The following KCNH5 variants were observed in gnomAD, a reference collection of about 807,000 sequenced individuals.
The protein encoded by KCNH5 is voltage-gated delayed rectifier potassium channel KCNH5.
A neutral mutation model predicts 96.1 loss-of-function variants in KCNH5; 46 were observed. The ratio of observed to expected loss-of-function variants is 0.48; its 90% CI spans 0.38 to 0.61. The LOEUF (loss-of-function observed/expected upper bound fraction) is 0.61. KCNH5 is among the 20% of genes least tolerant of loss of function. The pLI, the probability that KCNH5 is intolerant of heterozygous loss-of-function variation, is 0.00. For missense variants in KCNH5, 907 were observed against 1,225.8 expected, an observed-to-expected ratio of 0.74 and a Z score of 3.88; for synonymous variants, 439 against 449.8, an observed-to-expected ratio of 0.98 and a Z score of 0.30.
At chr14:62,718,992 GT>G (rs767269667) in intron 10 of KCNH5, among the ~76,000 whole-genome samples, 1 of 152,196 alleles carries the variant, frequency 6.6e-6, no homozygotes, top group Non-Finnish European at 1.5e-5. Flanking sequence ...TACATGCAAT[GT>G]CTTGAAATGG....
At chr14:62,858,429 T>C (rs1234525305) in intron 7 of KCNH5, among the ~76,000 whole-genome samples, 2 of 152,218 alleles carry the variant, frequency 1.3e-5, no homozygotes, top group African/African-American at 2.4e-5. Flanking sequence ...ATTCCATGCA[T>C]ACTGTTCCTT....
At chr14:62,728,147 GA>G (rs1884972706) in intron 10 of KCNH5, among the ~76,000 whole-genome samples, 3 of 151,552 alleles carry the variant, frequency 2.0e-5, no homozygotes, top group African/African-American at 7.3e-5. Flanking sequence ...TTAGGAGGCT[GA>G]GGCGGGCAGA....
At chr14:62,981,373 TG>T in intron 5 of KCNH5, 109 bp from the exon 6 acceptor site, 1 of 1,050,774 alleles carries the variant, frequency 9.5e-7, no homozygotes, top group Non-Finnish European at 1.4e-6. Context: ...TCCACAGTCT[TG>T]CCTCCCTCTT....
chr14:62,825,604 G>GA (rs1350735886), intron 8 of KCNH5, among the ~76,000 whole-genome samples: 1 of 151,924 alleles, frequency 6.6e-6, no homozygotes, highest in Non-Finnish European at 1.5e-5. Flanking sequence ...AGGACCAAGA[G>GA]AAAAAATAGG....
At position 62,702,162 on chromosome 14, in the gene KCNH5, A is replaced by T. The variant is rs928049258; in HGVS notation, c.*5346T>A. On this transcript the variant is annotated 3_prime_UTR_variant, in exon 11 of 11. Coordinates refer to ENST00000322893, the MANE Select transcript of KCNH5 (RefSeq NM_139318.5). ...ATGTTGATACCAGTGACCATATATCAAACATACCACATTTGACAGTTTACT... is the reference window on the plus strand; with the variant it reads ...ATGTTGATACCAGTGACCATATATCTAACATACCACATTTGACAGTTTACT... The T allele has an allele frequency of 1.9e-4, 29 of 152,064 alleles. No homozygotes were observed. Among genetic ancestry groups the T allele is most frequent in the African/African-American group, 6.8e-4 (28 of 41,440 alleles). 9.4% of individuals were successfully genotyped at this position (152,064 alleles called of 1,614,324 possible). A position where few individuals can be genotyped will look rare whatever the true frequency, so the allele number is the denominator to read the frequency against.
intron 9 of KCNH5, among the ~76,000 whole-genome samples, chr14:62,790,655 T>G (rs996025557): frequency 6.6e-6 from 1 of 151,622 alleles, no homozygotes; most frequent in African/African-American, 2.4e-5. Context: ...GCCAATTTCT[T>G]TCATCAGTGC....
At chr14:62,816,684 T>G (rs1276533980) in intron 8 of KCNH5, among the ~76,000 whole-genome samples, 1 of 152,038 alleles carries the variant, frequency 6.6e-6, no homozygotes, top group African/African-American at 2.4e-5. Flanking sequence ...CAGTAATGCA[T>G]GCATAAATAA....
At chr14:62,782,216 T>A (rs1378932190) in intron 9 of KCNH5, among the ~76,000 whole-genome samples, 2 of 151,938 alleles carry the variant, frequency 1.3e-5, no homozygotes, top group African/African-American at 4.8e-5. Flanking sequence ...GTTGAGTGAG[T>A]GAGATTACAC....
At chr14:63,025,081 T>C (rs1353086504) in intron 1 of KCNH5, among the ~76,000 whole-genome samples, 1 of 152,156 alleles carries the variant, frequency 6.6e-6, no homozygotes, top group East Asian at 1.9e-4. Context: ...TTGTTCAATA[T>C]ATGCAAATCA....
At chr14:62,943,305 G>A (rs952194589) in intron 7 of KCNH5, among the ~76,000 whole-genome samples, 3 of 152,096 alleles carry the variant, frequency 2.0e-5, no homozygotes, top group African/African-American at 7.2e-5. Context: ...AAAAACATAT[G>A]AAGACAAGAG....
At chr14:62,852,408 T>C (rs1887824824) in intron 7 of KCNH5, among the ~76,000 whole-genome samples, 1 of 152,370 alleles carries the variant, frequency 6.6e-6, no homozygotes, top group Admixed American at 6.5e-5. Context: ...GATTCAATTG[T>C]ATGTTTACAT....
chr14:62,970,044 T>TAATAA (rs1890375755), intron 6 of KCNH5, among the ~76,000 whole-genome samples: 1 of 30,406 alleles, frequency 3.3e-5, no homozygotes, highest in Non-Finnish European at 6.5e-5. Flanking sequence ...AGACTCCGTC[T>TAATAA]AAAAAAAAAA....
chr14:62,925,849 A>C (rs948944737), intron 7 of KCNH5, among the ~76,000 whole-genome samples: 13 of 152,084 alleles, frequency 8.5e-5, no homozygotes, highest in African/African-American at 3.1e-4. Context: ...TCTGACATAA[A>C]ATTAAAGAAG....
At chr14:62,926,589 G>A (rs1233655799) in intron 7 of KCNH5, among the ~76,000 whole-genome samples, 6 of 152,070 alleles carry the variant, frequency 3.9e-5, no homozygotes, top group Non-Finnish European at 7.4e-5. Context: ...TCTGAGATCA[G>A]GGTGCCAGCA....
intron 8 of KCNH5, among the ~76,000 whole-genome samples, chr14:62,808,045 C>T (rs1221366662): frequency 1.3e-5 from 2 of 152,108 alleles, no homozygotes; most frequent in Non-Finnish European, 2.9e-5. Flanking sequence ...GGCTAGGCTC[C>T]ACACCTAGTA....
chr14:62,876,519 G>C (rs1048909212), intron 7 of KCNH5, among the ~76,000 whole-genome samples: 1 of 151,976 alleles, frequency 6.6e-6, no homozygotes, highest in African/African-American at 2.4e-5. Flanking sequence ...GACACAAAAA[G>C]AACAAACAAA....
chr14:62,733,891 A>G (rs1459343816), intron 10 of KCNH5, among the ~76,000 whole-genome samples: 2 of 152,074 alleles, frequency 1.3e-5, no homozygotes, highest in Admixed American at 1.3e-4. Flanking sequence ...CTCTTTTAAC[A>G]TTACGTTCTT....
At chr14:62,789,396 T>A (rs1748980700) in intron 9 of KCNH5, among the ~76,000 whole-genome samples, 1 of 151,976 alleles carries the variant, frequency 6.6e-6, no homozygotes, top group African/African-American at 2.4e-5. Context: ...AACATGGGGG[T>A]GCAGATATCT....
chr14:62,770,664 G>A (rs1226171293), intron 10 of KCNH5, among the ~76,000 whole-genome samples: 1 of 152,134 alleles, frequency 6.6e-6, no homozygotes, highest in Non-Finnish European at 1.5e-5. Flanking sequence ...AATCACTGTA[G>A]GGCAGCAAGA....
Sources: gnomAD v4.1 joint callset for allele counts (sites outside exome capture counted in the v4.1 genomes callset) on GRCh38, gnomAD v4.1.1 for gene constraint, MANE v1.5 for transcripts, NCBI Gene and HGNC (gene_info 2026-07-23, HGNC 2026-07-21) for gene names.